The following ALKBH8 variants were observed in gnomAD, a reference collection of about 807,000 sequenced individuals.
The protein encoded by ALKBH8 is alkB homolog 8, tRNA methyltransferase.
Under a neutral mutation model 59.8 loss-of-function variants are expected in ALKBH8, and 36 were observed. The ratio of observed to expected loss-of-function variants is 0.60; its 90% CI spans 0.46 to 0.79. The LOEUF is 0.79. Ranked by LOEUF, ALKBH8 falls within the 30% of genes least tolerant of loss-of-function variation. The probability of loss-of-function intolerance (pLI) is 0.00; values close to 1 mark genes in which losing one functional copy is unlikely to be tolerated. For missense variants in ALKBH8, 768 were observed against 801.0 expected (o/e 0.96, Z 0.50); for synonymous variants, 276 against 273.6 (o/e 1.01, Z -0.09).
At chr11:107,564,493 A>G (rs376130682) in intron 1 of ALKBH8, among the ~76,000 whole-genome samples, 11 of 152,234 alleles carry the variant, frequency 7.2e-5, no homozygotes, top group African/African-American at 2.7e-4. Flanking sequence ...CAGAGTTTAC[A>G]TATAAATCTT....
intron 11 of ALKBH8, among the ~76,000 whole-genome samples, chr11:107,509,781 T>C (rs1361394937): frequency 6.6e-6 from 1 of 152,240 alleles, no homozygotes; most frequent in Non-Finnish European, 1.5e-5. Flanking sequence ...ATGACAGATT[T>C]CTAAGACGAT....
rs750144970 is a variant in ALKBH8, at chr11:107,532,359, C to G, written c.819G>C (p.Met273Ile). 6.2e-7 allele frequency: 1 copy of G among 1,613,682 alleles called. No individual in the cohort carries two copies. The highest frequency in any genetic ancestry group is 2.2e-5 in the East Asian group (1 of 44,842). Reference sequence around the variant, plus strand: ...TCACCAGCAAACTCCGACGAGGCAACATAACTGGCACTGCAATGCCATCTG... The same window carrying G: ...TCACCAGCAAACTCCGACGAGGCAAGATAACTGGCACTGCAATGCCATCTG... ...KHPDGIAVPV[M>I]LPRRSLLVMT... The change falls in exon 8 of 12, where the codon ATG (methionine) becomes ATC (isoleucine). Residue 273 changes from methionine to isoleucine, a missense_variant. Coordinates refer to ENST00000428149, the MANE Select transcript of ALKBH8 (RefSeq NM_138775.3).
rs200602677 is a variant in ALKBH8, at chr11:107,527,970, A to C, written c.879-2378T>G. ...TGTGGGTTTTTCATAAATACCCTTT[A>C]ACGCAATGAAGAAGTTCCCTTCTTG... is the stretch of plus-strand genomic sequence containing the variant. On this transcript the variant is annotated intron_variant, in intron 8 of 11. Coordinates refer to ENST00000428149, the MANE Select transcript of ALKBH8 (RefSeq NM_138775.3). Among the ~76,000 whole-genome samples the C allele has an allele frequency of 7.2e-5, 11 of 152,218 alleles. No individual in the cohort carries two copies. The East Asian group carries it at 2.1e-3, about 29-fold the overall frequency.
intron 1 of ALKBH8, chr11:107,563,668 T>A (rs1376676865): frequency 6.6e-6 from 1 of 152,226 alleles, no homozygotes; most frequent in Admixed American, 6.5e-5. Context: ...AACAGCAACT[T>A]TGCAGTATGT....
chr11:107,535,445 C>G (rs902428160), intron 7 of ALKBH8, among the ~76,000 whole-genome samples: 1 of 152,092 alleles, frequency 6.6e-6, no homozygotes, highest in African/African-American at 2.4e-5. Flanking sequence ...TTATTATGGT[C>G]ATTCTCCCAG....
At position 107,550,244 on chromosome 11, in the gene ALKBH8, A is replaced by C. The variant is rs145327667; in HGVS notation, c.701-421T>G. Among the ~76,000 whole-genome samples, 129 of 152,362 alleles carry C rather than the reference A, an allele frequency of 8.5e-4. 1 individual carries two copies. Among genetic ancestry groups the C allele is most frequent in the Middle Eastern group, 6.8e-3 (2 of 294 alleles). ...AATTACGATATGGACTTCTCCACTG[A>C]TCTATCAATTTACATTAACTCAGCA... is the stretch of plus-strand genomic sequence containing the variant. On this transcript the variant is annotated intron_variant, in intron 6 of 11. Coordinates refer to ENST00000428149, the MANE Select transcript of ALKBH8 (RefSeq NM_138775.3).
rs755417294 is a variant in ALKBH8 at position 107,553,103 on chromosome 11, C to G, written c.595+5G>C. ...AGAATTTATTATGTATTAGCAATTA[C>G]TTACCCCCAGATAATGGCTTATCTT... On this transcript the variant is annotated splice_donor_5th_base_variant and intron_variant, in intron 5 of 11. Transcript: ENST00000428149. The G allele has an allele frequency of 6.4e-7, 1 of 1,556,816 alleles. No individual in the cohort carries two copies. The highest frequency in any genetic ancestry group is 8.8e-7 in the Non-Finnish European group (1 of 1,142,396).
intron 2 of ALKBH8, among the ~76,000 whole-genome samples, chr11:107,558,012 T>C (rs1396192141): frequency 6.6e-6 from 1 of 152,240 alleles, no homozygotes; most frequent in African/African-American, 2.4e-5. Flanking sequence ...ATAGTAAATA[T>C]TTTAGGCTTG....
At chr11:107,545,712 T>TA (rs1199649782) in intron 7 of ALKBH8, among the ~76,000 whole-genome samples, 1 of 152,200 alleles carries the variant, frequency 6.6e-6, no homozygotes, top group Non-Finnish European at 1.5e-5. Context: ...CTCTGCCCAT[T>TA]ATGGTAATCC....
At chr11:107,520,292 T>G (rs1863053804) in intron 10 of ALKBH8, among the ~76,000 whole-genome samples, 1 of 152,224 alleles carries the variant, frequency 6.6e-6, no homozygotes, top group Admixed American at 6.5e-5. Flanking sequence ...GAAAGAATTA[T>G]GTACGGACTG....
At position 107,504,216 on chromosome 11, in the gene ALKBH8, C is replaced by T. The variant is rs917985067; in HGVS notation, c.*442G>A. On this transcript the variant is annotated 3_prime_UTR_variant, in exon 12 of 12. Coordinates refer to ENST00000428149, the MANE Select transcript of ALKBH8 (RefSeq NM_138775.3). ...GGCATGGAAATAGAATGGTTATTGT[C>T]TATGATTTTACAGAGCTAAAAATCA... is the stretch of plus-strand genomic sequence containing the variant. 5 of 388,796 alleles carry T rather than the reference C, an allele frequency of 1.3e-5. No individual in the cohort carries two copies. Among genetic ancestry groups the T allele is most frequent in the African/African-American group, 1.1e-4 (5 of 47,550 alleles). 24.1% of individuals were successfully genotyped at this position (388,796 alleles called of 1,614,324 possible).
At chr11:107,562,422 A>G (rs369923435) in intron 1 of ALKBH8, among the ~76,000 whole-genome samples, 50 of 152,306 alleles carry the variant, frequency 3.3e-4, no homozygotes, top group African/African-American at 1.0e-3. Context: ...TCAGTGAGGC[A>G]GTAAAGAGCA....
intron 7 of ALKBH8, among the ~76,000 whole-genome samples, chr11:107,532,952 A>G (rs923847275): frequency 6.6e-6 from 1 of 152,178 alleles, no homozygotes; most frequent in African/African-American, 2.4e-5. Context: ...TAGAATATTA[A>G]TAATTAATAA....
chr11:107,503,959 T>C lies in ALKBH8; in HGVS notation c.*699A>G, dbSNP rs763236341. Reference sequence around the variant, plus strand: ...TTATCACTATCTGGCACATAGTATCTATTTATTGATTTGCCTGCTGTCTGT... The same window carrying C: ...TTATCACTATCTGGCACATAGTATCCATTTATTGATTTGCCTGCTGTCTGT... On this transcript the variant is annotated 3_prime_UTR_variant, in exon 12 of 12. Transcript: ENST00000428149. 1.3e-5 allele frequency: 2 copies of C among 152,294 alleles called. No individual in the cohort carries two copies. Among genetic ancestry groups the C allele is most frequent in the Non-Finnish European group, 2.9e-5 (2 of 68,100 alleles). 9.4% of individuals were successfully genotyped at this position (152,294 alleles called of 1,614,324 possible).
intron 6 of ALKBH8, among the ~76,000 whole-genome samples, chr11:107,550,427 T>G (rs993048693): frequency 6.6e-6 from 1 of 152,202 alleles, no homozygotes; most frequent in African/African-American, 2.4e-5. Context: ...GGGTCAAGCT[T>G]ACTTGGCTCA....
chr11:107,528,242 A>G (rs546342606), intron 8 of ALKBH8, among the ~76,000 whole-genome samples: 188 of 152,184 alleles, frequency 1.2e-3, no homozygotes, highest in African/African-American at 4.4e-3. Flanking sequence ...CTCTGTTATG[A>G]GAGATGTTGG....
chr11:107,519,959 C>A lies in ALKBH8; in HGVS notation c.1287+2340G>T, dbSNP rs994016852. Among the ~76,000 whole-genome samples the A allele has an allele frequency of 2.6e-5, 4 of 151,974 alleles. No homozygotes were observed. The East Asian group carries it at 5.8e-4, about 22-fold the overall frequency. ...GATCTATACTAAATATTTAATTAAC[C>A]ATTGAAGTGCTATGCAAATGTTAGT... On this transcript the variant is annotated intron_variant, in intron 10 of 11. Transcript: ENST00000428149.
At chr11:107,521,866 CCA>C (rs1193893960) in intron 10 of ALKBH8, among the ~76,000 whole-genome samples, 3 of 152,110 alleles carry the variant, frequency 2.0e-5, no homozygotes, top group Non-Finnish European at 4.4e-5. Flanking sequence ...GGTTCAAGTT[CCA>C]GTTATGTCCC....
At chr11:107,513,580 C>T (rs1013115701) in intron 10 of ALKBH8, among the ~76,000 whole-genome samples, 1 of 152,166 alleles carries the variant, frequency 6.6e-6, no homozygotes. Flanking sequence ...ACCATAAAGA[C>T]ATATGCACTG....
Sources: gnomAD v4.1 joint callset for allele counts (sites outside exome capture counted in the v4.1 genomes callset) on GRCh38, gnomAD v4.1.1 for gene constraint, MANE v1.5 for transcripts, NCBI Gene and HGNC (gene_info 2026-07-23, HGNC 2026-07-21) for gene names.